TBC1D32: variants seen among roughly 807,000 people sequenced by gnomAD.
TBC1D32 encodes TBC1 domain family member 32.
In TBC1D32, 151 loss-of-function variants were observed where a neutral mutation model predicts 170.3. The observed-to-expected ratio is 0.89, with a 90% CI of 0.78 to 1.01. The LOEUF is 1.01. TBC1D32 is among the 50% of genes least tolerant of loss of function. The pLI, the probability that TBC1D32 is intolerant of heterozygous loss-of-function variation, is 0.00. For missense variants in TBC1D32, 1,464 were observed against 1,457.1 expected (o/e 1.00, Z -0.08); for synonymous variants, 498 against 488.0 (o/e 1.02, Z -0.27).
At chr6:121,288,256 CA>C (rs1804215265) in intron 12 of TBC1D32, among the ~76,000 whole-genome samples, 1 of 151,926 alleles carries the variant, frequency 6.6e-6, no homozygotes, top group African/African-American at 2.4e-5. Flanking sequence ...AAACTGCTAA[CA>C]AGACTAATAA....
At chr6:121,114,589 CA>C (rs1779509023) in intron 27 of TBC1D32, among the ~76,000 whole-genome samples, 1 of 152,064 alleles carries the variant, frequency 6.6e-6, no homozygotes, top group Non-Finnish European at 1.5e-5. Flanking sequence ...GCTTTTTAAA[CA>C]AATCTTACAC....
intron 25 of TBC1D32, among the ~76,000 whole-genome samples, chr6:121,127,690 A>G (rs532747364): frequency 6.6e-6 from 1 of 152,192 alleles, no homozygotes; most frequent in South Asian, 2.1e-4. Flanking sequence ...CTGTCTCGAG[A>G]TTATAAATTT....
intron 17 of TBC1D32, 24 bp downstream of exon 17, chr6:121,255,304 A>G (rs769264263): frequency 1.4e-6 from 2 of 1,382,354 alleles, no homozygotes; most frequent in Middle Eastern, 3.7e-4. Flanking sequence ...TAATAAATGC[A>G]TGACTTTCAT....
At chr6:121,192,357 A>G (rs1431035755) in intron 22 of TBC1D32, 1 of 152,112 alleles carries the variant, frequency 6.6e-6, no homozygotes, top group East Asian at 1.9e-4. Context: ...AAAGGAGTTT[A>G]GTGACTCTAC....
chr6:121,152,959 T>C (rs537228832), intron 24 of TBC1D32, among the ~76,000 whole-genome samples: 1 of 152,338 alleles, frequency 6.6e-6, no homozygotes, highest in Admixed American at 6.5e-5. Flanking sequence ...CTCCTTTAGC[T>C]TGGAGGAGTT....
intron 15 of TBC1D32, among the ~76,000 whole-genome samples, chr6:121,258,038 G>A (rs1313933810): frequency 7.0e-6 from 1 of 142,690 alleles, no homozygotes; most frequent in Admixed American, 7.2e-5. Flanking sequence ...AATATAACAA[G>A]AGAAAAATAA....
chr6:121,308,917 G>A (rs1217531469), intron 4 of TBC1D32, among the ~76,000 whole-genome samples: 3 of 152,060 alleles, frequency 2.0e-5, no homozygotes, highest in Non-Finnish European at 2.9e-5. Context: ...TATCCAAGTC[G>A]TGAATAATAA....
intron 31 of TBC1D32, among the ~76,000 whole-genome samples, chr6:121,089,846 T>A (rs1447113917): frequency 6.6e-6 from 1 of 152,140 alleles, no homozygotes; most frequent in Non-Finnish European, 1.5e-5. Flanking sequence ...TAGCAAATGA[T>A]GAATGTTGTT....
chr6:121,128,207 ATTTATTCAT>A (rs1306736499), intron 25 of TBC1D32, among the ~76,000 whole-genome samples: 6 of 152,150 alleles, frequency 3.9e-5, no homozygotes, highest in African/African-American at 1.4e-4. Flanking sequence ...ACTGATGCCT[ATTTATTCAT>A]TTTGCCCAGC....
chr6:121,274,662 A>G (rs1187460119), intron 15 of TBC1D32, among the ~76,000 whole-genome samples: 23 of 152,192 alleles, frequency 1.5e-4, no homozygotes. Flanking sequence ...AAGAAACATC[A>G]TAACATTTTG....
At chr6:121,280,201 C>T (rs112341104) in intron 14 of TBC1D32, among the ~76,000 whole-genome samples, 4 of 151,786 alleles carry the variant, frequency 2.6e-5, no homozygotes, top group African/African-American at 9.7e-5. Context: ...CCTTCTTTCA[C>T]GAGACTATAT....
intron 15 of TBC1D32, among the ~76,000 whole-genome samples, chr6:121,270,616 T>C (rs527559822): frequency 2.6e-5 from 4 of 152,074 alleles, no homozygotes; most frequent in African/African-American, 9.7e-5. Flanking sequence ...GAGGCAATAA[T>C]TAATAGCCTA....
At chr6:121,254,342 A>C (rs1798688919) in intron 17 of TBC1D32, among the ~76,000 whole-genome samples, 1 of 152,198 alleles carries the variant, frequency 6.6e-6, no homozygotes, top group African/African-American at 2.4e-5. Flanking sequence ...CCACTGAAGA[A>C]TGCATCCATG....
intron 17 of TBC1D32, among the ~76,000 whole-genome samples, chr6:121,244,732 A>G (rs188617461): frequency 6.6e-6 from 1 of 152,342 alleles, no homozygotes; most frequent in Admixed American, 6.5e-5. Context: ...TGGTATGGCA[A>G]TACAGTATGC....
chr6:121,304,061 T>G (rs1361684504), intron 8 of TBC1D32, among the ~76,000 whole-genome samples: 3 of 149,404 alleles, frequency 2.0e-5, no homozygotes, highest in African/African-American at 7.4e-5. Flanking sequence ...CAAAATGCAA[T>G]AGCAAAGACC....
At chr6:121,226,945 C>G (rs935281520) in intron 20 of TBC1D32, among the ~76,000 whole-genome samples, 2 of 147,800 alleles carry the variant, frequency 1.4e-5, no homozygotes, top group African/African-American at 5.4e-5. Flanking sequence ...CTCACTGACT[C>G]TAAAGTAGGG....
chr6:121,238,975 T>C (rs1255983073), intron 20 of TBC1D32, 95 bp downstream of exon 20: 3 of 563,168 alleles, frequency 5.3e-6, no homozygotes, highest in Non-Finnish European at 9.4e-6. Flanking sequence ...TTAAAAAGTC[T>C]GCTGGTTGTA....
At position 121,256,214 on chromosome 6, in the gene TBC1D32, C is replaced by A. The variant is rs769327826; in HGVS notation, c.1805G>T (p.Gly602Val). The change falls in exon 16 of 32, where the codon GGA (glycine) becomes GTA (valine). Residue 602 changes from glycine to valine, a missense_variant. By Grantham distance (109) the Gly-to-Val change is moderately radical. Transcript: ENST00000398212. ...LLDEDISIFS[G>V]SEMLPVVKGA... Reference sequence around the variant, plus strand: ...TTTAACCACAGGCAACATTTCTGATCCAGAAAATATAGAAATATCTTCATC... The same window carrying A: ...TTTAACCACAGGCAACATTTCTGATACAGAAAATATAGAAATATCTTCATC... The A allele has an allele frequency of 1.2e-6, 2 of 1,613,766 alleles. No individual in the cohort carries two copies. The highest frequency in any genetic ancestry group is 2.2e-5 in the South Asian group (2 of 91,058).
intron 9 of TBC1D32, among the ~76,000 whole-genome samples, chr6:121,303,054 G>A (rs1806719737): frequency 6.6e-6 from 1 of 152,098 alleles, no homozygotes; most frequent in African/African-American, 2.4e-5. Context: ...GACAAACACA[G>A]ACCTCTCTTA....
Sources: allele counts gnomAD v4.1 joint callset (sites outside exome capture counted in the v4.1 genomes callset), GRCh38; gene constraint gnomAD v4.1.1; transcripts MANE v1.5; gene names NCBI Gene and HGNC (gene_info 2026-07-23, HGNC 2026-07-21).